Variants in CPA3 observed in about 807,000 individuals in gnomAD.
CPA3 encodes carboxypeptidase A3.
In CPA3, 52 loss-of-function variants were observed where a neutral mutation model predicts 55.8. That is an observed-to-expected ratio of 0.93 (90% confidence interval 0.75 to 1.17). The LOEUF is 1.17. CPA3 is among the 50% of genes most tolerant of loss of function. CPA3 has a pLI of 0.00. For missense variants in CPA3, 547 were observed against 509.1 expected (o/e 1.07, Z -0.72); for synonymous variants, 179 against 171.2 (o/e 1.05, Z -0.36).
At chr3:148,885,443 G>T (rs1360905425) in intron 9 of CPA3, among the ~76,000 whole-genome samples, 1 of 113,968 alleles carries the variant, frequency 8.8e-6, no homozygotes, top group Non-Finnish European at 1.6e-5. Context: ...ACGGAGTCTC[G>T]CTCTGTCACC....
At chr3:148,869,204 C>T (rs28537576) in intron 3 of CPA3, among the ~76,000 whole-genome samples, 165 bp downstream of exon 3, 35 of 152,306 alleles carry the variant, frequency 2.3e-4, no homozygotes, top group Non-Finnish European at 4.6e-4. Context: ...TTATCGAAGC[C>T]TGTTTACAGA....
chr3:148,870,676 A>T (rs1576579398), intron 3 of CPA3, among the ~76,000 whole-genome samples: 1 of 152,202 alleles, frequency 6.6e-6, no homozygotes, highest in East Asian at 1.9e-4. Flanking sequence ...TATATTTATA[A>T]AAAAAACTAA....
At position 148,883,812 on chromosome 3, in the gene CPA3, C is replaced by T. The variant is rs1714447917; in HGVS notation, c.978C>T (p.Asp326=). The change falls in exon 9 of 11, where the codon GAC becomes GAT. Residue 326 remains aspartate (D), a synonymous_variant. Transcript: ENST00000296046. ...YTSKLPPNHE[D]LAKVAKIGTD... is the part of the protein sequence containing the mutation. The stretch of plus-strand genomic sequence containing the variant: ...CAAAACTGCCACCTAACCATGAGGA[C>T]TTGGTACGTAGACAAAAGTTTGCAC... 2 of 1,612,570 alleles carry T rather than the reference C, an allele frequency of 1.2e-6. No individual in the cohort carries two copies. The highest frequency in any genetic ancestry group is 1.7e-5 in the Admixed American group (1 of 59,994).
At chr3:148,890,283 C>G (rs1714634498) in intron 10 of CPA3, among the ~76,000 whole-genome samples, 1 of 152,156 alleles carries the variant, frequency 6.6e-6, no homozygotes. Flanking sequence ...AATAACTAAA[C>G]ATAGTACCTA....
At chr3:148,871,794 C>T (rs1015602719) in intron 3 of CPA3, among the ~76,000 whole-genome samples, 6 of 152,156 alleles carry the variant, frequency 3.9e-5, no homozygotes, top group African/African-American at 1.4e-4. Flanking sequence ...TAGATAGTTA[C>T]CTCCCTCAGA....
intron 10 of CPA3, among the ~76,000 whole-genome samples, chr3:148,889,610 T>G (rs551031271): frequency 6.6e-6 from 1 of 152,100 alleles, no homozygotes; most frequent in Admixed American, 6.6e-5. Flanking sequence ...GGTGGCTCAC[T>G]TTTGTAATCC....
chr3:148,891,442 C>T (rs1270698958), intron 10 of CPA3, among the ~76,000 whole-genome samples: 4 of 151,050 alleles, frequency 2.6e-5, no homozygotes, highest in Admixed American at 1.3e-4. Context: ...ATCATGCCAC[C>T]GCACTCCAGC....
At chr3:148,872,845 G>A (rs1470873878) in intron 3 of CPA3, among the ~76,000 whole-genome samples, 3 of 152,156 alleles carry the variant, frequency 2.0e-5, no homozygotes, top group Non-Finnish European at 4.4e-5. Context: ...AACGCTGTCT[G>A]GGTCCAGTCC....
intron 5 of CPA3, 77 bp downstream of exon 5, chr3:148,878,825 T>G: frequency 1.2e-6 from 1 of 840,492 alleles, no homozygotes; most frequent in Non-Finnish European, 1.9e-6. Context: ...GTAACACAAC[T>G]AAGCTAATTC....
intron 3 of CPA3, among the ~76,000 whole-genome samples, chr3:148,873,656 C>T (rs1714132000): frequency 1.3e-5 from 2 of 152,190 alleles, no homozygotes; most frequent in Non-Finnish European, 1.5e-5. Flanking sequence ...ATTTCACTCT[C>T]ATGATGAAGG....
At chr3:148,870,687 T>C (rs988629995) in intron 3 of CPA3, among the ~76,000 whole-genome samples, 12 of 152,132 alleles carry the variant, frequency 7.9e-5, no homozygotes, top group East Asian at 3.8e-4. Context: ...AAAAAACTAA[T>C]TGATACCAGC....
At chr3:148,882,728 GA>G (rs1189961458) in intron 8 of CPA3, 133 bp downstream of exon 8, 1 of 683,406 alleles carries the variant, frequency 1.5e-6, no homozygotes, top group African/African-American at 1.8e-5. Context: ...TCTATAACAT[GA>G]AAGACAATCA....
At chr3:148,879,220 A>G (rs2108033785) in intron 5 of CPA3, among the ~76,000 whole-genome samples, 1 of 152,314 alleles carries the variant, frequency 6.6e-6, no homozygotes, top group East Asian at 1.9e-4. Flanking sequence ...ACATCCAAAG[A>G]TACTGCTCCC....
At chr3:148,876,519 G>T (rs185738057) in intron 3 of CPA3, among the ~76,000 whole-genome samples, 1 of 151,960 alleles carries the variant, frequency 6.6e-6, no homozygotes, top group Non-Finnish European at 1.5e-5. Context: ...TGAGACTACA[G>T]GTGCCCACTA....
At chr3:148,874,313 C>T (rs1714155222) in intron 3 of CPA3, among the ~76,000 whole-genome samples, 1 of 152,134 alleles carries the variant, frequency 6.6e-6, no homozygotes, top group South Asian at 2.1e-4. Context: ...TTAATACTGC[C>T]TTATGTTACA....
chr3:148,893,388 A>G (rs866326963), intron 10 of CPA3, among the ~76,000 whole-genome samples: 17 of 152,186 alleles, frequency 1.1e-4, no homozygotes, highest in African/African-American at 4.1e-4. Flanking sequence ...CTTGAACAAC[A>G]AAAAAACTGG....
intron 2 of CPA3, among the ~76,000 whole-genome samples, chr3:148,865,884 G>A (rs933010604): frequency 3.9e-5 from 6 of 152,044 alleles, no homozygotes; most frequent in South Asian, 2.1e-4. Flanking sequence ...TCCCCACTCC[G>A]ACCCTCATCT....
chr3:148,892,604 A>T (rs1714702703), intron 10 of CPA3, among the ~76,000 whole-genome samples: 1 of 151,350 alleles, frequency 6.6e-6, no homozygotes, highest in South Asian at 2.1e-4. Flanking sequence ...AGTGAGCTGA[A>T]ATCGTACCAC....
Position 148,886,137 on chromosome 3 carries a change from T to C in CPA3, c.1026T>C (p.Tyr342=), listed in dbSNP as rs773706185. ...KIGTDVLSTR[Y]ETRYIYGPIE... The stretch of plus-strand genomic sequence containing the variant: ...GCACTGATGTTCTATCAACTCGATA[T>C]GAAACCCGCTACATCTATGGCCCAA... The change falls in exon 10 of 11, where the codon TAT becomes TAC. Residue 342 remains tyrosine, a synonymous_variant. Coordinates refer to ENST00000296046, the MANE Select transcript of CPA3 (RefSeq NM_001870.4). 4.3e-6 allele frequency: 7 copies of C among 1,613,712 alleles called. No homozygotes were observed. The South Asian group carries it at 6.6e-5, about 15-fold the overall frequency.
Sources: gnomAD v4.1 joint callset for allele counts (sites outside exome capture counted in the v4.1 genomes callset) on GRCh38, gnomAD v4.1.1 for gene constraint, MANE v1.5 for transcripts, NCBI Gene and HGNC (gene_info 2026-07-23, HGNC 2026-07-21) for gene names.